The following ZNF350 variants were observed in gnomAD, a reference collection of about 807,000 sequenced individuals.
ZNF350 encodes zinc finger protein 350.
Under a neutral mutation model 13.1 loss-of-function variants are expected in ZNF350, and 5 were observed. That is an observed-to-expected ratio of 0.38 (90% CI 0.20 to 0.80). ZNF350 has a LOEUF of 0.80. Ranked by LOEUF, ZNF350 falls within the 30% of genes least tolerant of loss-of-function variation. ZNF350 has a pLI of 0.43. For missense variants in ZNF350, 534 were observed against 644.2 expected (o/e 0.83, Z 1.85); for synonymous variants, 199 against 224.2 (o/e 0.89, Z 1.00).
intron 1 of ZNF350, among the ~76,000 whole-genome samples, chr19:51,985,040 T>C (rs1186841579): frequency 1.3e-5 from 2 of 152,258 alleles, no homozygotes; most frequent in African/African-American, 4.8e-5. Flanking sequence ...GGTGTGAGAA[T>C]GGAAAAAGAC....
At position 51,976,311 on chromosome 19, in the gene ZNF350, G is replaced by C. The variant is rs2122926678; in HGVS notation, c.-171-1780C>G. The stretch of plus-strand genomic sequence containing the variant: ...AAGCTCAGGGCCCTTGTCCCCTAGA[G>C]GCAAAGCGCCCCCGATCCCTTCTTC... On this transcript the variant is annotated intron_variant, in intron 1 of 4. Transcript: ENST00000243644. The surrounding 1 kb of genome is among the most constrained non-coding windows in gnomAD (Gnocchi z 4.5). The C allele has an allele frequency of 6.6e-6, 1 of 152,350 alleles. No individual in the cohort carries two copies. Among genetic ancestry groups the C allele is most frequent in the African/African-American group, 2.4e-5 (1 of 41,548 alleles). The allele number at this position is 152,350 out of a possible 1,614,324, so 9.4% of individuals were successfully genotyped here. A position where few individuals can be genotyped will look rare whatever the true frequency, so the allele number is the denominator to read the frequency against.
chr19:51,982,716 T>C (rs2086073718), intron 1 of ZNF350, among the ~76,000 whole-genome samples: 1 of 152,166 alleles, frequency 6.6e-6, no homozygotes, highest in Non-Finnish European at 1.5e-5. Flanking sequence ...TTAGAAGACT[T>C]GCCATATCAG....
chr19:51,978,330 G>A (rs557390186), intron 1 of ZNF350, among the ~76,000 whole-genome samples: 18 of 152,240 alleles, frequency 1.2e-4, no homozygotes, highest in South Asian at 8.3e-4. Flanking sequence ...GACCTTTACC[G>A]ACAGGATACA....
chr19:51,972,216 C>A (rs556047570), intron 2 of ZNF350, among the ~76,000 whole-genome samples: 1 of 149,918 alleles, frequency 6.7e-6, no homozygotes, highest in African/African-American at 2.5e-5. Flanking sequence ...AATCCCAGCA[C>A]TTTGGGAGGC....
In ZNF350 at chr19:51,968,589, C is replaced by G. The variant is rs2085642454; in HGVS notation, c.227G>C (p.Gly76Ala). The part of the protein sequence containing the change: ...LWTIEDGIHS[G>A]ACSDIWKVDH... ...GTGGGTTCTCTCACCTGAACAGGCT[C>G]CACTGTGGATTCCATCTTCAATTGT... The change falls in exon 4 of 5, where the codon GGA (glycine) becomes GCA (alanine). Residue 76 changes from glycine (G) to alanine (A), a missense_variant. Coordinates refer to ENST00000243644, the MANE Select transcript of ZNF350 (RefSeq NM_021632.4). 6.2e-7 allele frequency: 1 copy of G among 1,614,008 alleles called. No homozygotes were observed. The highest frequency in any genetic ancestry group is 8.5e-7 in the Non-Finnish European group (1 of 1,179,956).
At chr19:51,971,847 G>A (rs770560175) in intron 2 of ZNF350, among the ~76,000 whole-genome samples, 7 of 151,968 alleles carry the variant, frequency 4.6e-5, no homozygotes, top group Non-Finnish European at 1.0e-4. Flanking sequence ...GTTACAAGTG[G>A]CGCCCAAACA....
chr19:51,984,834 C>T (rs1427331121), intron 1 of ZNF350, among the ~76,000 whole-genome samples: 4 of 147,818 alleles, frequency 2.7e-5, no homozygotes, highest in Middle Eastern at 3.2e-3. Flanking sequence ...TTCGCCTGAT[C>T]CTTGTCATTG....
intron 4 of ZNF350, chr19:51,968,343 GCAAA>G (rs766312128): frequency 1.8e-4 from 93 of 523,174 alleles, no homozygotes; most frequent in Non-Finnish European, 3.0e-4. Context: ...AATTATGCAG[GCAAA>G]CAAACAATAT....
In ZNF350 at chr19:51,964,934, T is replaced by G. The variant is rs760649304; in HGVS notation, c.1519A>C (p.Arg507=). 73 of 1,614,112 alleles carry G rather than the reference T, an allele frequency of 4.5e-5. No homozygotes were observed. Among genetic ancestry groups the G allele is most frequent in the Non-Finnish European group, 5.9e-5 (70 of 1,180,046 alleles). The change falls in exon 5 of 5, where the codon AGA becomes CGA. Residue 507 remains arginine (R), a synonymous_variant. Coordinates refer to ENST00000243644, the MANE Select transcript of ZNF350 (RefSeq NM_021632.4). ...SGDNRGFAQD[R]NLVNAVNVVV... ...ACATTCACTGCATTCACAAGGTTTC[T>G]GTCCTGTGCAAATCCTCTGTTATCT...
At chr19:51,980,709 T>C (rs1409091617) in intron 1 of ZNF350, among the ~76,000 whole-genome samples, 1 of 152,184 alleles carries the variant, frequency 6.6e-6, no homozygotes, top group African/African-American at 2.4e-5. Context: ...TGCAAGGAGC[T>C]TTCACATCCA....
Position 51,964,580 on chromosome 19 carries a change from T to C in ZNF350, c.*274A>G. On this transcript the variant is annotated 3_prime_UTR_variant, in exon 5 of 5. Transcript: ENST00000243644. ...ACTGCAACACTCCCGACACCAATTATCTCATCTGTTTTAAAAATTCACAGT... is the reference window on the plus strand; with the variant it reads ...ACTGCAACACTCCCGACACCAATTACCTCATCTGTTTTAAAAATTCACAGT... 2.1e-6 allele frequency: 1 copy of C among 468,916 alleles called. No individual in the cohort carries two copies. The allele number at this position is 468,916 out of a possible 1,614,324, so 29.0% of individuals were successfully genotyped here.
chr19:51,977,398 T>C (rs556662015), intron 1 of ZNF350, among the ~76,000 whole-genome samples: 1 of 152,290 alleles, frequency 6.6e-6, no homozygotes, highest in East Asian at 1.9e-4. Flanking sequence ...ATATCTGACA[T>C]GGAATTTAAA....
intron 1 of ZNF350, among the ~76,000 whole-genome samples, chr19:51,985,115 C>T (rs1393842996): frequency 2.0e-5 from 3 of 152,202 alleles, no homozygotes; most frequent in Non-Finnish European, 2.9e-5. Context: ...ACTGCTTATA[C>T]ATATATTGCC....
intron 1 of ZNF350, chr19:51,981,257 A>ACCCCCCCCCC (rs35435027): frequency 1.4e-5 from 2 of 147,070 alleles, no homozygotes; most frequent in Non-Finnish European, 3.0e-5. Flanking sequence ...CCCTTCTTCC[A>ACCCCCCCCCC]CCCCCCCACC....
rs926319538 is a variant in ZNF350 at position 51,984,654 on chromosome 19, G to GA, written c.-172+2115dup. ...GGTAATACAAATGTAATTAATAATA[G>GA]AAAAAACTGCTATATTTTACATAAT... On this transcript the variant is annotated intron_variant, in intron 1 of 4. Coordinates refer to ENST00000243644, the MANE Select transcript of ZNF350 (RefSeq NM_021632.4). Among the ~76,000 whole-genome samples, 14 of 152,046 alleles carry GA rather than the reference G, an allele frequency of 9.2e-5. No homozygotes were observed. In the South Asian group the frequency reaches 1.2e-3, roughly 14 times the overall value.
chr19:51,974,504 A>G lies in ZNF350; in HGVS notation c.-144T>C, dbSNP rs918339405. 4.0e-6 allele frequency: 4 copies of G among 1,001,020 alleles called. No homozygotes were observed. Among genetic ancestry groups the G allele is most frequent in the African/African-American group, 1.6e-5 (1 of 61,914 alleles). 62.0% of individuals were successfully genotyped at this position (1,001,020 alleles called of 1,614,324 possible). ...AATCCACTTCCTCCCTCTTCAGGTTATGTTTTTTGCTCCTGAGGAGTCAGA... is the reference window on the plus strand; with the variant it reads ...AATCCACTTCCTCCCTCTTCAGGTTGTGTTTTTTGCTCCTGAGGAGTCAGA... On this transcript the variant is annotated 5_prime_UTR_variant, in exon 2 of 5. Coordinates refer to ENST00000243644, the MANE Select transcript of ZNF350 (RefSeq NM_021632.4).
chr19:51,974,328 AAAC>A lies in ZNF350; in HGVS notation c.15+15_15+17del. On this transcript the variant is annotated intron_variant, in intron 2 of 4. Transcript: ENST00000243644. Reference sequence around the variant, plus strand: ...TATGGAACAAAGGAAAGAATAAAACAAACCAAAAGTCAGTTACCTGGGCCTGGA... The same window carrying A: ...TATGGAACAAAGGAAAGAATAAAACACAAAAGTCAGTTACCTGGGCCTGGA... The A allele has an allele frequency of 6.2e-7, 1 of 1,613,760 alleles. No homozygotes were observed. Among genetic ancestry groups the A allele is most frequent in the South Asian group, 1.1e-5 (1 of 91,032 alleles).
Position 51,964,825 on chromosome 19 carries a change from C to T in ZNF350, c.*29G>A. The T allele has an allele frequency of 6.3e-7, 1 of 1,578,854 alleles. No individual in the cohort carries two copies. The highest frequency in any genetic ancestry group is 2.3e-5 in the East Asian group (1 of 44,432). On this transcript the variant is annotated 3_prime_UTR_variant, in exon 5 of 5. Transcript: ENST00000243644. Reference sequence around the variant, plus strand: ...AATGAACTACAAATTTTTGCTCAACCCTTTTCCACATAGATCTGAGTTTTC... The same window carrying T: ...AATGAACTACAAATTTTTGCTCAACTCTTTTCCACATAGATCTGAGTTTTC...
At chr19:51,974,666 C>T (rs1050450064) in intron 1 of ZNF350, 135 bp from the exon 2 acceptor site, 7 of 248,512 alleles carry the variant, frequency 2.8e-5, no homozygotes, top group Non-Finnish European at 4.7e-5. Flanking sequence ...GGAGCCCCAG[C>T]GGATTTTATA....
Sources: allele counts gnomAD v4.1 joint callset (sites outside exome capture counted in the v4.1 genomes callset), GRCh38; gene constraint gnomAD v4.1.1; non-coding constraint Gnocchi (gnomAD v3.1); transcripts MANE v1.5; gene names NCBI Gene and HGNC (gene_info 2026-07-23, HGNC 2026-07-21).